The following CA10 variants were observed in gnomAD, a reference collection of about 807,000 sequenced individuals.
CA10 encodes carbonic anhydrase-related protein 10.
CA10 carries 14 observed loss-of-function variants against 44.2 expected under a neutral mutation model. That is an observed-to-expected ratio of 0.32 (90% confidence interval 0.21 to 0.50). CA10 has a LOEUF of 0.50. Ranked by LOEUF, CA10 falls within the 20% of genes least tolerant of loss-of-function variation. The pLI is 0.99. For synonymous variants in CA10, 159 were observed against 141.6 expected, an observed-to-expected ratio of 1.12 and a Z score of -0.87; for missense variants, 350 against 409.7, an observed-to-expected ratio of 0.85 and a Z score of 1.26.
chr17:52,045,011 G>A (rs898479641), intron 2 of CA10, among the ~76,000 whole-genome samples: 3 of 151,620 alleles, frequency 2.0e-5, no homozygotes, highest in African/African-American at 7.3e-5. Context: ...ACCACAATAA[G>A]ATGCATCATA....
rs1293412045 is a variant in CA10, at chr17:51,754,402, T to TAC, written c.280-6585_280-6584insGT. Among the ~76,000 whole-genome samples, 3 of 2,880 alleles carry TAC rather than the reference T, an allele frequency of 1.0e-3. No individual in the cohort carries two copies. In the East Asian group the frequency reaches 0.022, roughly 21 times the overall value. The allele number at this position is 2,880 out of a possible 152,430, so 1.9% of individuals were successfully genotyped here. A position where few individuals can be genotyped will look rare whatever the true frequency, so the allele number is the denominator to read the frequency against. ...CATACATACTACTGTGTGTGTGTGA[T>TAC]ATATATATATATATATATATATATA... On this transcript the variant is annotated intron_variant, in intron 3 of 8. Coordinates refer to ENST00000451037, the MANE Select transcript of CA10 (RefSeq NM_020178.5).
chr17:51,937,020 G>A (rs2144007703), intron 2 of CA10, among the ~76,000 whole-genome samples: 1 of 152,200 alleles, frequency 6.6e-6, no homozygotes, highest in Non-Finnish European at 1.5e-5. Context: ...TTGAAGCAAG[G>A]AATATTTTCA....
At chr17:51,648,891 C>T (rs888591053) in intron 6 of CA10, among the ~76,000 whole-genome samples, 17 of 152,076 alleles carry the variant, frequency 1.1e-4, no homozygotes, top group Admixed American at 5.2e-4. Flanking sequence ...CACGGTGGAG[C>T]GTGTCAGCCA....
At chr17:51,956,820 C>T (rs748460898) in intron 2 of CA10, among the ~76,000 whole-genome samples, 11 of 151,704 alleles carry the variant, frequency 7.3e-5, no homozygotes, top group Non-Finnish European at 1.5e-4. Context: ...TTTTTTGACC[C>T]ACACCCAAAG....
chr17:52,068,642 C>G (rs958822761), intron 2 of CA10, among the ~76,000 whole-genome samples: 28 of 152,178 alleles, frequency 1.8e-4, no homozygotes, highest in African/African-American at 6.8e-4. Context: ...CAAAGTGGCT[C>G]AAGCAGTAAG....
chr17:51,990,567 C>A (rs1384130095), intron 2 of CA10, among the ~76,000 whole-genome samples: 4 of 152,078 alleles, frequency 2.6e-5, no homozygotes, highest in African/African-American at 4.8e-5. Context: ...TCCAAACAAC[C>A]ACTTTCTTGA....
At chr17:51,717,716 T>TGA (rs1916181880) in intron 4 of CA10, among the ~76,000 whole-genome samples, 1 of 31,724 alleles carries the variant, frequency 3.2e-5, no homozygotes, top group Admixed American at 4.8e-4. Flanking sequence ...TATACATATA[T>TGA]ACGTATATAT....
chr17:51,845,288 G>A (rs774404949), intron 3 of CA10, among the ~76,000 whole-genome samples: 26 of 152,156 alleles, frequency 1.7e-4, no homozygotes, highest in African/African-American at 5.6e-4. Context: ...AAGGCACTGC[G>A]GCTTTCTCTG....
chr17:51,955,883 G>A (rs1398729500), intron 2 of CA10, among the ~76,000 whole-genome samples: 1 of 151,750 alleles, frequency 6.6e-6, no homozygotes, highest in African/African-American at 2.4e-5. Flanking sequence ...TGCATGCGGG[G>A]CTTAAAACCT....
chr17:52,014,013 G>A (rs1310410307), intron 2 of CA10, among the ~76,000 whole-genome samples: 3 of 151,760 alleles, frequency 2.0e-5, no homozygotes, highest in Non-Finnish European at 4.4e-5. Context: ...GATAAATCAT[G>A]ACAAACAAAA....
chr17:51,827,546 G>C (rs924215290), intron 3 of CA10, among the ~76,000 whole-genome samples: 1 of 152,070 alleles, frequency 6.6e-6, no homozygotes, highest in Admixed American at 6.5e-5. Flanking sequence ...AGAGCTTTAG[G>C]GACATATTTT....
intron 4 of CA10, among the ~76,000 whole-genome samples, chr17:51,688,605 T>A (rs1019441957): frequency 2.0e-5 from 3 of 152,226 alleles, no homozygotes; most frequent in Non-Finnish European, 4.4e-5. Context: ...TTTATCATTA[T>A]TCTTGTTTTA....
chr17:51,974,902 A>G (rs898727625), intron 2 of CA10, among the ~76,000 whole-genome samples: 7 of 152,200 alleles, frequency 4.6e-5, no homozygotes, highest in Non-Finnish European at 8.8e-5. Flanking sequence ...GTAAAAAACT[A>G]AAATGAGGAG....
chr17:52,026,964 A>G (rs1357076347), intron 2 of CA10, among the ~76,000 whole-genome samples: 1 of 152,108 alleles, frequency 6.6e-6, no homozygotes, highest in Non-Finnish European at 1.5e-5. Flanking sequence ...ATTCAAGTGC[A>G]TCACATTTAT....
intron 3 of CA10, among the ~76,000 whole-genome samples, chr17:51,904,953 TCA>T (rs1255665883): frequency 6.6e-6 from 1 of 152,152 alleles, no homozygotes; most frequent in African/African-American, 2.4e-5. Flanking sequence ...TGTTACATTT[TCA>T]CAGAGACCTA....
In CA10 at chr17:51,747,684, C is replaced by T. The variant is rs1220092772; in HGVS notation, c.414G>A (p.Glu138=). The change falls in exon 4 of 9, where the codon GAG becomes GAA. Residue 138 remains glutamate (E), a synonymous_variant. Transcript: ENST00000451037. ...LEEIRLHFGS[E]DSQGSEHLLN... is the part of the protein sequence containing the mutation. ...GGAGGTGCTCCGACCCTTGGCTGTCCTCACTCCCAAAGTGTAGTCGGATCT... is the reference window on the plus strand; with the variant it reads ...GGAGGTGCTCCGACCCTTGGCTGTCTTCACTCCCAAAGTGTAGTCGGATCT... The T allele has an allele frequency of 6.2e-7, 1 of 1,614,174 alleles. No homozygotes were observed. The highest frequency in any genetic ancestry group is 8.5e-7 in the Non-Finnish European group (1 of 1,179,996).
intron 3 of CA10, among the ~76,000 whole-genome samples, chr17:51,820,198 CA>C (rs769902393): frequency 9.7e-6 from 1 of 103,144 alleles, no homozygotes; most frequent in African/African-American, 3.3e-5. Context: ...CCCCCCCCCC[CA>C]GGTAATACCC....
At chr17:51,991,616 C>G (rs1985043074) in intron 2 of CA10, among the ~76,000 whole-genome samples, 1 of 152,074 alleles carries the variant, frequency 6.6e-6, no homozygotes, top group Non-Finnish European at 1.5e-5. Context: ...TTGAGACAAG[C>G]CTGCCCAACA....
intron 3 of CA10, among the ~76,000 whole-genome samples, chr17:51,802,852 G>C (rs1434902544): frequency 6.6e-6 from 1 of 152,118 alleles, no homozygotes; most frequent in Non-Finnish European, 1.5e-5. Flanking sequence ...AAGGAGTCAA[G>C]CTCTATCTGC....
Sources: allele counts gnomAD v4.1 joint callset (sites outside exome capture counted in the v4.1 genomes callset), GRCh38; gene constraint gnomAD v4.1.1; transcripts MANE v1.5; gene names NCBI Gene and HGNC (gene_info 2026-07-23, HGNC 2026-07-21).